Variants in SEMA4D observed in about 807,000 individuals in gnomAD.
SEMA4D encodes semaphorin-4D.
In SEMA4D, 22 loss-of-function variants were observed where a neutral mutation model predicts 74.8. The ratio of observed to expected loss-of-function variants is 0.29; its 90% CI spans 0.21 to 0.42. The LOEUF is 0.42. Among genes scored for constraint, SEMA4D ranks in the 10% least tolerant of loss-of-function variants. The pLI is 1.00. For synonymous variants in SEMA4D, 445 were observed against 463.7 expected (o/e 0.96, Z 0.52); for missense variants, 937 against 1,118.4 (o/e 0.84, Z 2.31).
chr9:89,361,801 C>G (rs991907036), exon 19 of SEMA4D: 1 of 154,484 alleles, frequency 6.5e-6, no homozygotes, highest in Admixed American at 6.3e-5. Flanking sequence ...ACTCCCAGAT[C>G]GCATCTCACA....
At chr9:89,406,166 G>A (rs566923493) in intron 2 of SEMA4D, among the ~76,000 whole-genome samples, 1 of 152,330 alleles carries the variant, frequency 6.6e-6, no homozygotes, top group Admixed American at 6.5e-5. Flanking sequence ...AGATGTACAT[G>A]TGAGTGCACA....
chr9:89,377,251 C>T lies in SEMA4D; in HGVS notation c.*1453G>A. 1 of 728,610 alleles carries T rather than the reference C, an allele frequency of 1.4e-6. No individual in the cohort carries two copies. Among genetic ancestry groups the T allele is most frequent in the Non-Finnish European group, 2.0e-6 (1 of 491,786 alleles). The allele number at this position is 728,610 out of a possible 1,614,324, so 45.1% of individuals were successfully genotyped here. A position where few individuals can be genotyped will look rare whatever the true frequency, so the allele number is the denominator to read the frequency against. On this transcript the variant is annotated 3_prime_UTR_variant, in exon 16 of 16. Transcript: ENST00000422704. ...TTCCCCAAATCAAGGATAGAAGCTT[C>T]TCATTTATTTGGGTACTTTCCAAAT...
At chr9:89,375,254 C>A (rs1169644433), downstream of SEMA4D, among the ~76,000 whole-genome samples, 1 of 152,300 alleles carries the variant, frequency 6.6e-6, no homozygotes, top group Non-Finnish European at 1.5e-5. Flanking sequence ...GACATGAAGT[C>A]CTCTGGGATG....
At chr9:89,419,496 G>A (rs80065757) in intron 2 of SEMA4D, among the ~76,000 whole-genome samples, 7,405 of 152,230 alleles carry the variant, frequency 0.049, 336 homozygotes, top group African/African-American at 0.11. Flanking sequence ...CCTGTCACAC[G>A]GGAGGGAGAG....
intron 2 of SEMA4D, among the ~76,000 whole-genome samples, chr9:89,440,264 A>T (rs1020066903): frequency 1.3e-5 from 2 of 151,958 alleles, no homozygotes; most frequent in East Asian, 1.9e-4. Context: ...AGTGACCACA[A>T]CGCCTTCCCT....
exon 19 of SEMA4D, chr9:89,362,225 T>G: frequency 9.5e-7 from 1 of 1,053,572 alleles, no homozygotes; most frequent in Non-Finnish European, 1.4e-6. Flanking sequence ...GGTTCCAGGC[T>G]TCTCCACTGT....
rs1424853557 is a variant in SEMA4D at position 89,474,862 on chromosome 9, T to C, written c.-309-18909A>G. ...GACTCTGCTCTCAGGTCTGTGACTGTCAGCCCCTGCAATAGGGGTCCCTGC... is the reference window on the plus strand; with the variant it reads ...GACTCTGCTCTCAGGTCTGTGACTGCCAGCCCCTGCAATAGGGGTCCCTGC... On this transcript the variant is annotated intron_variant, in intron 1 of 15. Coordinates refer to ENST00000422704, the MANE Select transcript of SEMA4D (RefSeq NM_001371194.2). Among the ~76,000 whole-genome samples, 5 of 152,234 alleles carry C rather than the reference T, an allele frequency of 3.3e-5. No individual in the cohort carries two copies. In the South Asian group the frequency reaches 8.3e-4, roughly 25 times the overall value.
At chr9:89,458,065 C>A (rs1006147578) in intron 1 of SEMA4D, among the ~76,000 whole-genome samples, 3 of 152,034 alleles carry the variant, frequency 2.0e-5, no homozygotes, top group African/African-American at 7.2e-5. Flanking sequence ...AAAAAACAAA[C>A]CCTGAGGAGG....
intron 2 of SEMA4D, among the ~76,000 whole-genome samples, chr9:89,444,305 G>C (rs2135218521): frequency 6.6e-6 from 1 of 152,182 alleles, no homozygotes; most frequent in East Asian, 1.9e-4. Flanking sequence ...GAGTCATAAG[G>C]AGAAACACAG....
At chr9:89,404,100 C>A (rs1208123793) in intron 3 of SEMA4D, among the ~76,000 whole-genome samples, 1 of 152,172 alleles carries the variant, frequency 6.6e-6, no homozygotes, top group African/African-American at 2.4e-5. Flanking sequence ...AGGGTGTAAG[C>A]TCTCAATCCA....
intron 1 of SEMA4D, among the ~76,000 whole-genome samples, chr9:89,474,804 G>T (rs574683530): frequency 6.6e-6 from 1 of 152,196 alleles, no homozygotes; most frequent in African/African-American, 2.4e-5. Flanking sequence ...AAGCCTTTCC[G>T]TAGAGAAAGG....
chr9:89,383,808 C>G (rs1161836072), intron 13 of SEMA4D, among the ~76,000 whole-genome samples: 1 of 152,204 alleles, frequency 6.6e-6, no homozygotes, highest in African/African-American at 2.4e-5. Context: ...GACCAGGCAC[C>G]TGGCAGCATG....
At chr9:89,475,210 A>G (rs1447144458) in intron 1 of SEMA4D, among the ~76,000 whole-genome samples, 1 of 152,190 alleles carries the variant, frequency 6.6e-6, no homozygotes, top group Non-Finnish European at 1.5e-5. Flanking sequence ...AGTGTCACAG[A>G]GGCTGGGCAG....
chr9:89,444,933 A>G (rs553238556), intron 2 of SEMA4D, among the ~76,000 whole-genome samples: 15 of 152,240 alleles, frequency 9.9e-5, no homozygotes, highest in African/African-American at 3.6e-4. Context: ...GATTGGCAAA[A>G]GAGGGCTGAA....
intron 1 of SEMA4D, among the ~76,000 whole-genome samples, chr9:89,478,911 G>A (rs1176560822): frequency 6.6e-6 from 1 of 152,110 alleles, no homozygotes; most frequent in Non-Finnish European, 1.5e-5. Context: ...TGTGGGTGAG[G>A]AGCCTCAGCG....
chr9:89,423,680 A>G (rs1295661202), intron 2 of SEMA4D, among the ~76,000 whole-genome samples: 1 of 151,456 alleles, frequency 6.6e-6, no homozygotes, highest in Non-Finnish European at 1.5e-5. Flanking sequence ...GCCCCTTCCT[A>G]TCCCTCAGAT....
At position 89,392,282 on chromosome 9, in the gene SEMA4D, G is replaced by C. The variant is rs899685826; in HGVS notation, c.622+141C>G. On this transcript the variant is annotated intron_variant, in intron 8 of 15. Coordinates refer to ENST00000422704, the MANE Select transcript of SEMA4D (RefSeq NM_001371194.2). ...CTGGGACTCTGGCCATTGCTGGACA[G>C]TTTGGGAAGTATCCCCCACAAACAG... The C allele has an allele frequency of 2.3e-5, 14 of 615,544 alleles. No homozygotes were observed. In the African/African-American group the frequency reaches 2.8e-4, roughly 12 times the overall value. The allele number at this position is 615,544 out of a possible 1,614,324, so 38.1% of individuals were successfully genotyped here.
chr9:89,382,448 TG>T (rs140647145), intron 13 of SEMA4D, among the ~76,000 whole-genome samples: 9,347 of 152,176 alleles, frequency 0.061, 421 homozygotes, highest in South Asian at 0.11. Flanking sequence ...TCACAGGCCC[TG>T]ATGCCAATAC....
chr9:89,446,733 G>A (rs1179112543), intron 2 of SEMA4D, among the ~76,000 whole-genome samples: 1 of 152,176 alleles, frequency 6.6e-6, no homozygotes, highest in East Asian at 1.9e-4. Context: ...AGCAGCAGGA[G>A]GAGACTGAGG....
Sources: allele counts gnomAD v4.1 joint callset (sites outside exome capture counted in the v4.1 genomes callset), GRCh38; gene constraint gnomAD v4.1.1; transcripts MANE v1.5; gene names NCBI Gene and HGNC (gene_info 2026-07-23, HGNC 2026-07-21).